Variants in SLC9A9 observed in about 807,000 individuals in gnomAD.
SLC9A9 encodes the protein sodium/hydrogen exchanger 9.
In SLC9A9, 62 loss-of-function variants were observed where a neutral mutation model predicts 77.8. The ratio of observed to expected loss-of-function variants is 0.80; its 90% confidence interval spans 0.65 to 0.98. SLC9A9 has a LOEUF of 0.98. Among genes scored for constraint, SLC9A9 ranks in the 50% least tolerant of loss-of-function variants. The pLI, the probability that SLC9A9 is intolerant of heterozygous loss-of-function variation, is 0.00. For missense variants in SLC9A9, 775 were observed against 774.9 expected (o/e 1.00, Z 0.00); for synonymous variants, 320 against 283.5 (o/e 1.13, Z -1.29).
intron 9 of SLC9A9, among the ~76,000 whole-genome samples, chr3:143,514,568 T>C (rs2036172410): frequency 6.6e-6 from 1 of 152,344 alleles, no homozygotes. Flanking sequence ...CTTTATCAAT[T>C]AGCTAGATCC....
At chr3:143,508,621 A>G (rs2036067536) in intron 9 of SLC9A9, among the ~76,000 whole-genome samples, 1 of 152,236 alleles carries the variant, frequency 6.6e-6, no homozygotes, top group Non-Finnish European at 1.5e-5. Flanking sequence ...GTAGTTTTAT[A>G]TATTCTACTG....
At chr3:143,286,333 T>C (rs1461372481) in intron 14 of SLC9A9, among the ~76,000 whole-genome samples, 19 of 152,176 alleles carry the variant, frequency 1.2e-4, no homozygotes, top group Admixed American at 1.2e-3. Context: ...AGCCTTGGGC[T>C]GGTGCACACA....
chr3:143,754,431 C>G, intron 4 of SLC9A9, among the ~76,000 whole-genome samples: 1 of 152,236 alleles, frequency 6.6e-6, no homozygotes. Context: ...CTCCCAAACA[C>G]GATTATTTTG....
At chr3:143,346,847 A>G (rs900268733) in intron 14 of SLC9A9, 1 of 152,156 alleles carries the variant, frequency 6.6e-6, no homozygotes, top group Non-Finnish European at 1.5e-5. Flanking sequence ...GAAATAAAAT[A>G]CTAACTATAT....
intron 5 of SLC9A9, among the ~76,000 whole-genome samples, chr3:143,666,629 C>T (rs1242047): frequency 0.031 from 4,706 of 152,324 alleles, 107 homozygotes; most frequent in Middle Eastern, 0.088. Context: ...TAAGCAACTT[C>T]AGCAAAGTCT....
At chr3:143,582,943 A>G (rs2037481138) in intron 6 of SLC9A9, among the ~76,000 whole-genome samples, 1 of 152,118 alleles carries the variant, frequency 6.6e-6, no homozygotes. Context: ...GCTTGAGTAC[A>G]GGAGTGTGAG....
intron 6 of SLC9A9, among the ~76,000 whole-genome samples, chr3:143,604,745 T>C (rs1235886490): frequency 2.6e-5 from 4 of 152,222 alleles, no homozygotes; most frequent in African/African-American, 9.6e-5. Flanking sequence ...ACTGGCTAAA[T>C]TATAAATAGC....
At chr3:143,295,574 C>T (rs552010751) in intron 14 of SLC9A9, among the ~76,000 whole-genome samples, 3 of 152,324 alleles carry the variant, frequency 2.0e-5, no homozygotes, top group South Asian at 4.1e-4. Context: ...GACTCTGAGA[C>T]ATTCTTAGAA....
intron 5 of SLC9A9, among the ~76,000 whole-genome samples, chr3:143,664,160 A>T (rs2039024555): frequency 6.6e-6 from 1 of 152,236 alleles, no homozygotes; most frequent in Admixed American, 6.5e-5. Context: ...GCCAGAATAG[A>T]GTGGGGGCCA....
intron 9 of SLC9A9, among the ~76,000 whole-genome samples, chr3:143,507,017 T>C (rs530925667): frequency 6.6e-6 from 1 of 151,978 alleles, no homozygotes; most frequent in Non-Finnish European, 1.5e-5. Context: ...CAGTCCCTTT[T>C]CTTTAACTTT....
chr3:143,796,559 G>GTAT (rs1430771373), intron 3 of SLC9A9, among the ~76,000 whole-genome samples: 7 of 152,142 alleles, frequency 4.6e-5, no homozygotes, highest in African/African-American at 1.7e-4. Flanking sequence ...AATCCAGTGT[G>GTAT]TATTTTACAC....
rs537808477 is a variant in SLC9A9, at chr3:143,336,644, C to G, written c.1604+26840G>C. Reference sequence around the variant, plus strand: ...TATTCTAAATGAAATCAGCCAGTCTCAAAAAGACAAATACTGCATAATAAC... The same window carrying G: ...TATTCTAAATGAAATCAGCCAGTCTGAAAAAGACAAATACTGCATAATAAC... On this transcript the variant is annotated intron_variant, in intron 14 of 15. Coordinates refer to ENST00000316549, the MANE Select transcript of SLC9A9 (RefSeq NM_173653.4). Among the ~76,000 whole-genome samples, 4 of 152,172 alleles carry G rather than the reference C, an allele frequency of 2.6e-5. No homozygotes were observed. The South Asian group carries it at 8.3e-4, about 32-fold the overall frequency.
At chr3:143,395,738 A>C (rs1056721309) in intron 12 of SLC9A9, among the ~76,000 whole-genome samples, 4 of 152,226 alleles carry the variant, frequency 2.6e-5, no homozygotes, top group Non-Finnish European at 5.9e-5. Context: ...CAAAGAACTC[A>C]AACAAATTTA....
At chr3:143,323,548 A>G (rs1211383085) in intron 14 of SLC9A9, among the ~76,000 whole-genome samples, 1 of 152,160 alleles carries the variant, frequency 6.6e-6, no homozygotes, top group Non-Finnish European at 1.5e-5. Flanking sequence ...AGTGTAAAAG[A>G]TAGATAACAG....
intron 9 of SLC9A9, among the ~76,000 whole-genome samples, chr3:143,548,011 G>A (rs2036817455): frequency 6.6e-6 from 1 of 152,196 alleles, no homozygotes; most frequent in Non-Finnish European, 1.5e-5. Context: ...GCGATAATGA[G>A]AGTTACCTCT....
At chr3:143,822,665 A>ACTCG (rs1229620067) in intron 2 of SLC9A9, among the ~76,000 whole-genome samples, 1 of 152,114 alleles carries the variant, frequency 6.6e-6, no homozygotes, top group African/African-American at 2.4e-5. Flanking sequence ...TTAAATAACT[A>ACTCG]CTCGCTGGAG....
chr3:143,449,917 C>T (rs186152547), intron 12 of SLC9A9, among the ~76,000 whole-genome samples: 34,575 of 76,714 alleles, frequency 0.45, 8,328 homozygotes, highest in African/African-American at 0.55. Flanking sequence ...TATAATATTA[C>T]ATAATATATA....
At chr3:143,661,708 A>G (rs2038980603) in intron 5 of SLC9A9, among the ~76,000 whole-genome samples, 1 of 152,150 alleles carries the variant, frequency 6.6e-6, no homozygotes, top group South Asian at 2.1e-4. Flanking sequence ...TATTTTTAGT[A>G]GAGACAGGGT....
chr3:143,610,434 A>T (rs1211042429), intron 6 of SLC9A9, among the ~76,000 whole-genome samples: 1 of 152,334 alleles, frequency 6.6e-6, no homozygotes, highest in East Asian at 1.9e-4. Flanking sequence ...GGCATGGGCC[A>T]CTATGCTCAG....
Sources: gnomAD v4.1 joint callset for allele counts (sites outside exome capture counted in the v4.1 genomes callset) on GRCh38, gnomAD v4.1.1 for gene constraint, MANE v1.5 for transcripts, NCBI Gene and HGNC (gene_info 2026-07-23, HGNC 2026-07-21) for gene names.